SHANK2: variants seen among roughly 807,000 people sequenced by gnomAD.
SHANK2 encodes SH3 and multiple ankyrin repeat domains protein 2.
SHANK2 carries 43 observed loss-of-function variants against 133.7 expected under a neutral mutation model. That is an observed-to-expected ratio of 0.32 (90% CI 0.25 to 0.41). SHANK2 has a LOEUF of 0.41. Ranked by LOEUF, SHANK2 falls within the 10% of genes least tolerant of loss-of-function variation. The pLI, the probability that SHANK2 is intolerant of heterozygous loss-of-function variation, is 1.00. For synonymous variants in SHANK2, 1,017 were observed against 952.8 expected, an observed-to-expected ratio of 1.07 and a Z score of -1.24; for missense variants, 1,994 against 2,235.8, an observed-to-expected ratio of 0.89 and a Z score of 2.18.
At chr11:71,111,517 G>A (rs1951891949) in intron 5 of SHANK2, among the ~76,000 whole-genome samples, 1 of 152,218 alleles carries the variant, frequency 6.6e-6, no homozygotes, top group Non-Finnish European at 1.5e-5. Context: ...TGTCTGAGCA[G>A]GACTGTGGGA....
In SHANK2 at chr11:70,485,810, C is replaced by G. The variant is rs1555153091; in HGVS notation, c.4483G>C (p.Asp1495His). 2 of 1,613,854 alleles carry G rather than the reference C, an allele frequency of 1.2e-6. No homozygotes were observed. Among genetic ancestry groups the G allele is most frequent in the African/African-American group, 1.3e-5 (1 of 74,904 alleles). Reference protein sequence around the residue: ...AVADSGIEEVDSRSSSDHHLE... With the variant: ...AVADSGIEEVHSRSSSDHHLE... ...TGGTGGTCGCTGCTACTCCGGCTGT[C>G]CACCTCCTCGATCCCAGAGTCGGCG... Residue 1495 changes from aspartate (D) to histidine (H), a missense_variant, in exon 25 of 26, where the codon GAC becomes CAC. By Grantham distance (81) the Asp-to-His change is moderately conservative. This residue lies in a region of SHANK2 where 797 missense variants were observed against 907.4 expected (regional missense o/e 0.88). Transcript: ENST00000601538. This position sits in a 1 kb window ranked among gnomAD's most constrained non-coding sequence, Gnocchi z 5.8.
intron 11 of SHANK2, among the ~76,000 whole-genome samples, chr11:70,886,341 A>C (rs1407796331): frequency 6.6e-6 from 1 of 152,226 alleles, no homozygotes; most frequent in Non-Finnish European, 1.5e-5. Context: ...CTAAGTAAAA[A>C]TACAATCTTG....
chr11:71,131,308 T>C (rs1952301956), intron 3 of SHANK2, among the ~76,000 whole-genome samples: 1 of 152,116 alleles, frequency 6.6e-6, no homozygotes, highest in East Asian at 1.9e-4. Flanking sequence ...GACATGTCAA[T>C]GGAACAGGGA....
At chr11:70,732,852 GAC>G (rs1555032586) in intron 14 of SHANK2, among the ~76,000 whole-genome samples, 1 of 152,238 alleles carries the variant, frequency 6.6e-6, no homozygotes, top group African/African-American at 2.4e-5. Context: ...CCCTGCAGGG[GAC>G]AGGCCTGCCG....
chr11:70,758,874 G>C (rs1439255383), intron 14 of SHANK2, among the ~76,000 whole-genome samples: 1 of 152,214 alleles, frequency 6.6e-6, no homozygotes, highest in Non-Finnish European at 1.5e-5. Flanking sequence ...TAAAAACTGA[G>C]TTCTGGCCGG....
intron 17 of SHANK2, among the ~76,000 whole-genome samples, chr11:70,646,944 T>C (rs2061272210): frequency 6.6e-6 from 1 of 152,036 alleles, no homozygotes; most frequent in Non-Finnish European, 1.5e-5. Context: ...CACTGCAACC[T>C]CTGCTTCCTG....
chr11:71,059,719 C>T (rs1950964319), intron 9 of SHANK2, among the ~76,000 whole-genome samples: 1 of 152,186 alleles, frequency 6.6e-6, no homozygotes, highest in Non-Finnish European at 1.5e-5. Context: ...AGAGTGTGGG[C>T]TGCGCTCACT....
chr11:71,082,290 C>T (rs1190291387), intron 8 of SHANK2, among the ~76,000 whole-genome samples: 4 of 152,292 alleles, frequency 2.6e-5, no homozygotes, highest in East Asian at 1.9e-4. Context: ...GCTTGGACAC[C>T]GCGGTCACTG....
chr11:70,557,790 A>G (rs1393048878), intron 17 of SHANK2, among the ~76,000 whole-genome samples: 1 of 152,146 alleles, frequency 6.6e-6, no homozygotes, highest in Admixed American at 6.5e-5. Flanking sequence ...GCACGTTTCC[A>G]ACGGACAAGC....
intron 3 of SHANK2, among the ~76,000 whole-genome samples, chr11:71,129,518 G>A (rs1952256839): frequency 6.6e-6 from 1 of 152,182 alleles, no homozygotes; most frequent in African/African-American, 2.4e-5. Flanking sequence ...GATGGTACGT[G>A]TCTGCAGTCC....
chr11:71,210,397 C>A (rs1164686896), intron 2 of SHANK2, among the ~76,000 whole-genome samples: 21 of 150,730 alleles, frequency 1.4e-4, no homozygotes, highest in African/African-American at 5.1e-4. Context: ...TACAGAAGCC[C>A]ACCACCACGC....
At chr11:70,690,488 GTTTTTTTTTTTTTTT>G (rs35737323) in intron 15 of SHANK2, among the ~76,000 whole-genome samples, 5 of 32,802 alleles carry the variant, frequency 1.5e-4, no homozygotes, top group Admixed American at 1.2e-3. Flanking sequence ...TACTTCCCAT[GTTTTTTTTTTTTTTT>G]TTTTTTTTTT....
Position 70,487,548 on chromosome 11 carries a change from T to G in SHANK2, c.2745A>C (p.Arg915Ser). Residue 915 changes from arginine (R) to serine (S), a missense_variant, in exon 25 of 26, where the codon AGA (arginine) becomes AGC (serine). By Grantham distance (110) the Arg-to-Ser change is moderately radical. This residue lies in a region of SHANK2 where 488 missense variants were observed against 642.6 expected (regional missense o/e 0.76). Transcript: ENST00000601538. The surrounding 1 kb of genome is among the most constrained non-coding windows in gnomAD (Gnocchi z 5.8). ...TYNCPKSPTPRVYGTIKPAFN... is the reference protein window; with the variant it reads ...TYNCPKSPTPSVYGTIKPAFN... ...ACGCAGGCTTAATCGTCCCGTAGAC[T>G]CTTGGAGTTGGGGACTTGGGGCAGT... is the stretch of plus-strand genomic sequence containing the variant. 1 of 1,613,672 alleles carries G rather than the reference T, an allele frequency of 6.2e-7. No individual in the cohort carries two copies. The highest frequency in any genetic ancestry group is 8.5e-7 in the Non-Finnish European group (1 of 1,179,958).
chr11:70,519,573 G>A (rs1312574271), intron 17 of SHANK2, among the ~76,000 whole-genome samples: 1 of 152,052 alleles, frequency 6.6e-6, no homozygotes. Flanking sequence ...CTTGAACCCA[G>A]GAGGCGGAGG....
At chr11:70,900,294 C>A (rs1346071766) in intron 10 of SHANK2, among the ~76,000 whole-genome samples, 1 of 151,730 alleles carries the variant, frequency 6.6e-6, no homozygotes, top group Non-Finnish European at 1.5e-5. Context: ...GTGGAGACTG[C>A]AGTGAGCCAA....
intron 17 of SHANK2, among the ~76,000 whole-genome samples, chr11:70,607,532 G>A (rs2060595043): frequency 6.6e-6 from 1 of 152,220 alleles, no homozygotes; most frequent in African/African-American, 2.4e-5. Flanking sequence ...ACTGGCTCTA[G>A]GGCCTGTTTG....
At chr11:70,815,173 GAAACAC>G (rs1206857536) in intron 12 of SHANK2, among the ~76,000 whole-genome samples, 9 of 117,962 alleles carry the variant, frequency 7.6e-5, no homozygotes, top group African/African-American at 2.9e-4. Flanking sequence ...GATGGGAGAA[GAAACAC>G]ACACACACAC....
At chr11:70,531,805 G>C (rs1312727321) in intron 17 of SHANK2, among the ~76,000 whole-genome samples, 1 of 152,112 alleles carries the variant, frequency 6.6e-6, no homozygotes, top group East Asian at 1.9e-4. Flanking sequence ...TTGCTGGCTG[G>C]CCCCCCACTG....
chr11:70,490,069 A>G (rs576607785), intron 23 of SHANK2: 22 of 402,962 alleles, frequency 5.5e-5, no homozygotes, highest in Admixed American at 2.1e-4. Flanking sequence ...TTCAGGGGGG[A>G]TGAGTTTCAT....
Sources: allele counts gnomAD v4.1 joint callset (sites outside exome capture counted in the v4.1 genomes callset), GRCh38; gene constraint gnomAD v4.1.1; regional missense constraint gnomAD v4.1.1; non-coding constraint Gnocchi (gnomAD v3.1); transcripts MANE v1.5; gene names NCBI Gene and HGNC (gene_info 2026-07-23, HGNC 2026-07-21).